The following SUSD6 variants were observed in gnomAD, a reference collection of about 807,000 sequenced individuals.
SUSD6 encodes the protein sushi domain-containing protein 6.
Under a neutral mutation model 28.4 loss-of-function variants are expected in SUSD6, and 16 were observed. The ratio of observed to expected loss-of-function variants is 0.56; its 90% confidence interval spans 0.38 to 0.86. The LOEUF (loss-of-function observed/expected upper bound fraction) is 0.86, where lower values mean the gene tolerates loss of function less well. SUSD6 is among the 40% of genes least tolerant of loss of function. The probability of loss-of-function intolerance (pLI) is 0.00; values close to 1 mark genes in which losing one functional copy is unlikely to be tolerated. For missense variants in SUSD6, 341 were observed against 384.2 expected (o/e 0.89, Z 0.94); for synonymous variants, 147 against 159.6 (o/e 0.92, Z 0.59).
chr14:69,694,498 T>C (rs1047075489), intron 2 of SUSD6, among the ~76,000 whole-genome samples: 2 of 152,204 alleles, frequency 1.3e-5, no homozygotes, highest in African/African-American at 4.8e-5. Context: ...TGTTTCTCTC[T>C]GGCCATGCCT....
chr14:69,666,560 C>A (rs1034697938), intron 2 of SUSD6, among the ~76,000 whole-genome samples: 1 of 152,164 alleles, frequency 6.6e-6, no homozygotes, highest in Non-Finnish European at 1.5e-5. Context: ...TAAGAAATAT[C>A]TTTTTCCCAT....
chr14:69,658,749 A>G (rs750333875), intron 2 of SUSD6, 36 bp downstream of exon 2: 14 of 1,613,296 alleles, frequency 8.7e-6, no homozygotes, highest in Non-Finnish European at 1.2e-5. Flanking sequence ...GTGGGTGGGA[A>G]AATATTTAAT....
intron 1 of SUSD6, among the ~76,000 whole-genome samples, chr14:69,634,133 G>A (rs1885231713): frequency 6.6e-6 from 1 of 152,206 alleles, no homozygotes; most frequent in Admixed American, 6.5e-5. Context: ...GGGTTCTTGG[G>A]GAATGATGGT....
At chr14:69,654,280 C>G (rs1019576403) in intron 1 of SUSD6, among the ~76,000 whole-genome samples, 2 of 152,268 alleles carry the variant, frequency 1.3e-5, no homozygotes, top group African/African-American at 2.4e-5. Context: ...ACCTGCCTGT[C>G]AGATGCCAGG....
intron 2 of SUSD6, among the ~76,000 whole-genome samples, chr14:69,686,732 A>G (rs1594717827): frequency 1.3e-5 from 2 of 152,208 alleles, no homozygotes; most frequent in South Asian, 2.1e-4. Context: ...CCCATTCACT[A>G]TCATGAGAAC....
intron 5 of SUSD6, among the ~76,000 whole-genome samples, chr14:69,710,317 G>A (rs996213766): frequency 1.3e-5 from 2 of 152,178 alleles, no homozygotes; most frequent in Non-Finnish European, 2.9e-5. Context: ...TTTCAGGGGT[G>A]ATACAGAGAA....
intron 1 of SUSD6, among the ~76,000 whole-genome samples, chr14:69,638,569 C>T (rs561731517): frequency 6.6e-6 from 1 of 151,982 alleles, no homozygotes; most frequent in African/African-American, 2.4e-5. Context: ...CATACCCTAA[C>T]CAGGACTTCC....
At chr14:69,704,258 C>T (rs1210896353) in intron 3 of SUSD6, among the ~76,000 whole-genome samples, 1 of 152,130 alleles carries the variant, frequency 6.6e-6, no homozygotes, top group African/African-American at 2.4e-5. Context: ...ATGACATGCC[C>T]AGTTAAATTG....
intron 2 of SUSD6, among the ~76,000 whole-genome samples, chr14:69,687,329 T>C (rs1458869214): frequency 6.6e-6 from 1 of 152,254 alleles, no homozygotes; most frequent in Admixed American, 6.5e-5. Flanking sequence ...CAGGCTGTTC[T>C]CGAACTCCTG....
At chr14:69,629,748 C>G (rs1885166995) in intron 1 of SUSD6, among the ~76,000 whole-genome samples, 1 of 152,218 alleles carries the variant, frequency 6.6e-6, no homozygotes, top group African/African-American at 2.4e-5. Flanking sequence ...GTGTTTACAG[C>G]ACAACCAACC....
At chr14:69,692,817 C>T (rs1886171635) in intron 2 of SUSD6, among the ~76,000 whole-genome samples, 1 of 152,138 alleles carries the variant, frequency 6.6e-6, no homozygotes, top group Non-Finnish European at 1.5e-5. Flanking sequence ...ATCACCTGCT[C>T]ATCAGCTTTC....
intron 1 of SUSD6, among the ~76,000 whole-genome samples, chr14:69,628,019 T>C (rs1465587195): frequency 6.6e-6 from 1 of 151,938 alleles, no homozygotes; most frequent in Non-Finnish European, 1.5e-5. Flanking sequence ...CTGCAGTCTT[T>C]GTCTCCTGGG....
chr14:69,696,923 A>G (rs958343566), intron 2 of SUSD6, among the ~76,000 whole-genome samples: 3 of 152,224 alleles, frequency 2.0e-5, no homozygotes, highest in African/African-American at 7.2e-5. Flanking sequence ...TAAAGGAATA[A>G]AAGAATGGCT....
chr14:69,693,133 G>A (rs80083469), intron 2 of SUSD6, among the ~76,000 whole-genome samples: 91 of 152,366 alleles, frequency 6.0e-4, no homozygotes, highest in African/African-American at 2.1e-3. Context: ...GTAGGAGACA[G>A]CTGTGGGCTC....
chr14:69,638,887 C>T (rs1017350825), intron 1 of SUSD6, among the ~76,000 whole-genome samples: 5 of 152,170 alleles, frequency 3.3e-5, no homozygotes, highest in African/African-American at 1.2e-4. Flanking sequence ...TAGGCGGGCC[C>T]CTCTTATCTA....
intron 1 of SUSD6, among the ~76,000 whole-genome samples, chr14:69,621,044 C>T (rs548727499): frequency 8.3e-4 from 127 of 152,272 alleles, no homozygotes; most frequent in African/African-American, 2.7e-3. Flanking sequence ...TCCCAGTAAA[C>T]GTACGCCCTC....
intron 5 of SUSD6, 115 bp downstream of exon 5, chr14:69,709,219 T>A: frequency 1.0e-6 from 1 of 968,580 alleles, no homozygotes; most frequent in Non-Finnish European, 1.5e-6. Context: ...AAAAAGATAG[T>A]ACCTGGGGTA....
At chr14:69,634,107 T>C (rs1186511105) in intron 1 of SUSD6, among the ~76,000 whole-genome samples, 1 of 152,230 alleles carries the variant, frequency 6.6e-6, no homozygotes, top group African/African-American at 2.4e-5. Context: ...AATGTGCTTA[T>C]CCTAGAAGTT....
At chr14:69,646,319 A>G (rs1224590070) in intron 1 of SUSD6, among the ~76,000 whole-genome samples, 1 of 152,064 alleles carries the variant, frequency 6.6e-6, no homozygotes, top group Non-Finnish European at 1.5e-5. Context: ...CAGTATGCCC[A>G]TTATAAGTTA....
Sources: allele counts gnomAD v4.1 joint callset (sites outside exome capture counted in the v4.1 genomes callset), GRCh38; gene constraint gnomAD v4.1.1; transcripts MANE v1.5; gene names NCBI Gene and HGNC (gene_info 2026-07-23, HGNC 2026-07-21).